The following CEP78 variants were observed in gnomAD, a reference collection of about 807,000 sequenced individuals.
CEP78 encodes the protein centrosomal protein 78, also known as centrosomal protein of 78 kDa.
CEP78 carries 76 observed loss-of-function variants against 81.2 expected under a neutral mutation model. That is an observed-to-expected ratio of 0.94 (90% CI 0.78 to 1.13). The LOEUF is 1.13. CEP78 is among the 50% of genes most tolerant of loss of function. The pLI, the probability that CEP78 is intolerant of heterozygous loss-of-function variation, is 0.00. For missense variants in CEP78, 918 were observed against 846.8 expected (o/e 1.08, Z -1.04); for synonymous variants, 293 against 301.4 (o/e 0.97, Z 0.29).
intron 5 of CEP78, among the ~76,000 whole-genome samples, chr9:78,245,651 T>G (rs758842118): frequency 2.6e-5 from 4 of 152,234 alleles, no homozygotes; most frequent in Non-Finnish European, 5.9e-5. Flanking sequence ...CCTGTACTTT[T>G]GTGATAATCC....
At chr9:78,254,727 C>T in intron 10 of CEP78, 109 bp from the exon 11 acceptor site, 2 of 777,434 alleles carry the variant, frequency 2.6e-6, no homozygotes, top group Non-Finnish European at 4.0e-6. Flanking sequence ...TAGTGATAGA[C>T]ATTTATAGAG....
At position 78,271,719 on chromosome 9, in the gene CEP78, A is replaced by G. The variant is rs1169768337; in HGVS notation, c.*868A>G. On this transcript the variant is annotated 3_prime_UTR_variant, in exon 17 of 17. Coordinates refer to ENST00000643273, the MANE Select transcript of CEP78 (RefSeq NM_001330691.3). ...TTGTTTTTTGGGTTTTTTTTTTTTGAGTCAAGGTCTCACTCATGTCACCCA... is the reference window on the plus strand; with the variant it reads ...TTGTTTTTTGGGTTTTTTTTTTTTGGGTCAAGGTCTCACTCATGTCACCCA... The G allele has an allele frequency of 6.7e-6, 1 of 149,516 alleles. No homozygotes were observed. The highest frequency in any genetic ancestry group is 2.5e-5 in the African/African-American group (1 of 40,686). 9.3% of individuals were successfully genotyped at this position (149,516 alleles called of 1,614,324 possible).
chr9:78,259,218 G>C (rs1328655407), intron 11 of CEP78, among the ~76,000 whole-genome samples: 1 of 152,194 alleles, frequency 6.6e-6, no homozygotes, highest in African/African-American at 2.4e-5. Context: ...ATGCAGAAGT[G>C]TGCATTCACT....
At chr9:78,266,898 A>G in intron 16 of CEP78, 195 bp downstream of exon 16, 1 of 1,432,206 alleles carries the variant, frequency 7.0e-7, no homozygotes, top group South Asian at 1.6e-5. Flanking sequence ...TGTTTCATCC[A>G]AGACAAATAA....
At chr9:78,243,025 T>C (rs1026965691) in intron 4 of CEP78, among the ~76,000 whole-genome samples, 1 of 152,186 alleles carries the variant, frequency 6.6e-6, no homozygotes, top group African/African-American at 2.4e-5. Flanking sequence ...AATTCCTGTA[T>C]ATAGTTTATT....
chr9:78,270,982 C>A lies in CEP78; in HGVS notation c.*131C>A. 1 of 534,970 alleles carries A rather than the reference C, an allele frequency of 1.9e-6. No homozygotes were observed. Among genetic ancestry groups the A allele is most frequent in the African/African-American group, 2.0e-5 (1 of 50,696 alleles). 33.1% of individuals were successfully genotyped at this position (534,970 alleles called of 1,614,324 possible). A position where few individuals can be genotyped will look rare whatever the true frequency, so the allele number is the denominator to read the frequency against. On this transcript the variant is annotated 3_prime_UTR_variant, in exon 17 of 17. Coordinates refer to ENST00000643273, the MANE Select transcript of CEP78 (RefSeq NM_001330691.3). ...TTAATTAAAGGATGGAACAGCTAAG[C>A]CATTCCACTCATCTTTGGAGCATCT...
rs575364888 is a variant in CEP78, at chr9:78,272,359, A to C, written c.*1508A>C. On this transcript the variant is annotated 3_prime_UTR_variant, in exon 17 of 17. Coordinates refer to ENST00000643273, the MANE Select transcript of CEP78 (RefSeq NM_001330691.3). ...GATGTTTAGATCAAATAAACTGATA[A>C]AGATATTGATAAAGATATGAGACAA... 4 of 152,344 alleles carry C rather than the reference A, an allele frequency of 2.6e-5. No homozygotes were observed. Among genetic ancestry groups the C allele is most frequent in the Non-Finnish European group, 5.9e-5 (4 of 68,036 alleles). 9.4% of individuals were successfully genotyped at this position (152,344 alleles called of 1,614,324 possible).
chr9:78,273,287 T>C lies in CEP78; in HGVS notation c.*2436T>C, dbSNP rs1225633205. ...GATTATAAAGAGATGAACAAAAATA[T>C]ACCAGGCAGATGCTAAAGAGTAAAT... On this transcript the variant is annotated 3_prime_UTR_variant, in exon 17 of 17. Transcript: ENST00000643273. The C allele has an allele frequency of 6.6e-6, 1 of 152,150 alleles. No individual in the cohort carries two copies. Among genetic ancestry groups the C allele is most frequent in the East Asian group, 1.9e-4 (1 of 5,196 alleles). 9.4% of individuals were successfully genotyped at this position (152,150 alleles called of 1,614,324 possible).
At chr9:78,244,879 A>G (rs896296573) in intron 5 of CEP78, among the ~76,000 whole-genome samples, 1 of 152,190 alleles carries the variant, frequency 6.6e-6, no homozygotes, top group Admixed American at 6.5e-5. Flanking sequence ...GTAAATTCTT[A>G]GAAGGAGAGT....
intron 16 of CEP78, among the ~76,000 whole-genome samples, chr9:78,270,095 G>T (rs991724986): frequency 6.6e-6 from 1 of 152,162 alleles, no homozygotes; most frequent in African/African-American, 2.4e-5. Flanking sequence ...GGGTCACATT[G>T]TAAAATATGT....
chr9:78,248,861 A>T lies in CEP78; in HGVS notation c.1057A>T (p.Thr353Ser). 6.4e-7 allele frequency: 1 copy of T among 1,565,838 alleles called. No individual in the cohort carries two copies. The highest frequency in any genetic ancestry group is 8.7e-7 in the Non-Finnish European group (1 of 1,146,958). ...AGGAAGTGGTCACAAAGGAAAAGCTACTATTAGAATTGGTAACCTTTTCTG... is the reference window on the plus strand; with the variant it reads ...AGGAAGTGGTCACAAAGGAAAAGCTTCTATTAGAATTGGTAACCTTTTCTG... ...ILGSGHKGKA[T>S]IRIGLATKKP... Residue 353 changes from threonine (T) to serine (S), a missense_variant, in exon 8 of 17, where the codon ACT (threonine) becomes TCT (serine). By Grantham distance (58) the Thr-to-Ser change is moderately conservative. Transcript: ENST00000643273.
intron 6 of CEP78, among the ~76,000 whole-genome samples, chr9:78,247,474 G>A (rs1337538914): frequency 2.0e-5 from 3 of 152,190 alleles, no homozygotes; most frequent in African/African-American, 7.2e-5. Context: ...CAATATGGTT[G>A]GGGCACTGAG....
At chr9:78,253,042 C>T (rs1826838069) in intron 9 of CEP78, among the ~76,000 whole-genome samples, 190 bp from the exon 10 acceptor site, 1 of 152,146 alleles carries the variant, frequency 6.6e-6, no homozygotes, top group Non-Finnish European at 1.5e-5. Flanking sequence ...AGTCTTATCC[C>T]AAAGCCGTTC....
At chr9:78,239,919 CT>C in intron 1 of CEP78, 103 bp from the exon 2 acceptor site, 1 of 973,168 alleles carries the variant, frequency 1.0e-6, no homozygotes, top group Non-Finnish European at 1.5e-6. Context: ...CTTAAGAGGA[CT>C]TTAAAGGACA....
At chr9:78,244,570 A>G (rs548928253) in intron 5 of CEP78, among the ~76,000 whole-genome samples, 1 of 152,344 alleles carries the variant, frequency 6.6e-6, no homozygotes, top group South Asian at 2.1e-4. Flanking sequence ...GATTGTGTCT[A>G]TTTTAAAACC....
In CEP78 at chr9:78,262,973, C is replaced by CGA. The variant is rs1563995855; in HGVS notation, c.1449_1450dup (p.Val484GlufsTer12). On this transcript the variant is annotated frameshift_variant, in exon 12 of 17. Coordinates refer to ENST00000643273, the MANE Select transcript of CEP78 (RefSeq NM_001330691.3). LOFTEE classifies it high-confidence loss of function. The stretch of plus-strand genomic sequence containing the variant: ...AGTGATAAGGCTTAAGGTTGATAAA[C>CGA]GAGTCAGTGAGGTAAATAAAAGTTT... 1 of 1,539,142 alleles carries CGA rather than the reference C, an allele frequency of 6.5e-7. No individual in the cohort carries two copies. Among genetic ancestry groups the CGA allele is most frequent in the South Asian group, 1.2e-5 (1 of 81,922 alleles).
In CEP78 at chr9:78,266,623, C is replaced by G. The variant is rs1048875990; in HGVS notation, c.2027C>G (p.Thr676Ser). The change falls in exon 16 of 17, where the codon ACT becomes AGT. Residue 676 changes from threonine (T) to serine (S), a missense_variant. Thr to Ser is a moderately conservative substitution (Grantham distance 58). Coordinates refer to ENST00000643273, the MANE Select transcript of CEP78 (RefSeq NM_001330691.3). ...ATGTGTTCTCCTTCACCAGATGCGA[C>G]TTCTGGAACTGGAAGTCAAAGAAAA... ...ARMCSPSPDA[T>S]SGTGSQRKEE... 11 of 1,612,972 alleles carry G rather than the reference C, an allele frequency of 6.8e-6. No homozygotes were observed. The African/African-American group carries it at 9.3e-5, about 14-fold the overall frequency.
At chr9:78,241,547 A>G (rs1826228734) in intron 3 of CEP78, 149 bp from the exon 4 acceptor site, 1 of 500,648 alleles carries the variant, frequency 2.0e-6, no homozygotes, top group African/African-American at 1.9e-5. Context: ...TTTAGAATGT[A>G]CCAATCAGTT....
At chr9:78,241,449 G>T (rs1826224308) in intron 3 of CEP78, among the ~76,000 whole-genome samples, 1 of 152,122 alleles carries the variant, frequency 6.6e-6, no homozygotes, top group South Asian at 2.1e-4. Context: ...CTGGAGTAAG[G>T]TTGCAATATT....
Sources: allele counts gnomAD v4.1 joint callset (sites outside exome capture counted in the v4.1 genomes callset), GRCh38; gene constraint gnomAD v4.1.1; transcripts MANE v1.5; gene names NCBI Gene and HGNC (gene_info 2026-07-23, HGNC 2026-07-21).